ARID2: variants seen among roughly 807,000 people sequenced by gnomAD.
ARID2 encodes AT-rich interactive domain-containing protein 2.
In ARID2, 32 loss-of-function variants were observed where a neutral mutation model predicts 184.6. The observed-to-expected ratio is 0.17, with a 90% CI of 0.13 to 0.23. The LOEUF is 0.23. Among genes scored for constraint, ARID2 ranks in the 10% least tolerant of loss-of-function variants. The pLI, the probability that ARID2 is intolerant of heterozygous loss-of-function variation, is 1.00. For synonymous variants in ARID2, 836 were observed against 772.6 expected (o/e 1.08, Z -1.36); for missense variants, 1,696 against 2,197.6 (o/e 0.77, Z 4.56).
rs1389381566 is a variant in ARID2, at chr12:45,906,331, C to G, written c.*1253C>G. ...GAAACTGCTCACTTCCTTAAATTGT[C>G]TTTTTTCCCCCAGCGTGAAATGTAT... On this transcript the variant is annotated 3_prime_UTR_variant, in exon 21 of 21. Coordinates refer to ENST00000334344, the MANE Select transcript of ARID2 (RefSeq NM_152641.4). 8.6e-6 allele frequency: 2 copies of G among 232,996 alleles called. No individual in the cohort carries two copies. The highest frequency in any genetic ancestry group is 1.7e-5 in the Non-Finnish European group (2 of 117,790). The allele number at this position is 232,996 out of a possible 1,614,324, so 14.4% of individuals were successfully genotyped here.
At chr12:45,863,479 G>A (rs927035114) in intron 16 of ARID2, among the ~76,000 whole-genome samples, 17 of 151,876 alleles carry the variant, frequency 1.1e-4, no homozygotes, top group Non-Finnish European at 1.6e-4. Context: ...CCAGCTACTC[G>A]GGATGCTGAG....
chr12:45,842,325 A>G (rs886068863), intron 11 of ARID2: 2 of 151,652 alleles, frequency 1.3e-5, no homozygotes, highest in Non-Finnish European at 2.9e-5. Context: ...GTATATGTAT[A>G]TATATACACA....
chr12:45,754,336 TCCTTGCCATAC>T (rs1941522883), intron 3 of ARID2, among the ~76,000 whole-genome samples: 1 of 152,256 alleles, frequency 6.6e-6, no homozygotes, highest in African/African-American at 2.4e-5. Context: ...ATTCTTAATC[TCCTTGCCATAC>T]CCTTGCACAT....
chr12:45,743,578 A>G (rs1941302986), intron 3 of ARID2, among the ~76,000 whole-genome samples: 1 of 152,094 alleles, frequency 6.6e-6, no homozygotes, highest in African/African-American at 2.4e-5. Flanking sequence ...ATCCCATCTC[A>G]TAGTTCTTTT....
At chr12:45,873,196 C>G (rs2138207141) in intron 16 of ARID2, among the ~76,000 whole-genome samples, 1 of 152,302 alleles carries the variant, frequency 6.6e-6, no homozygotes. Context: ...TATTGCCACT[C>G]CAGCTTACTT....
At chr12:45,897,127 C>T (rs1004330134) in intron 20 of ARID2, among the ~76,000 whole-genome samples, 1 of 152,154 alleles carries the variant, frequency 6.6e-6, no homozygotes, top group Non-Finnish European at 1.5e-5. Context: ...AGTAAGTCCT[C>T]ACATATTTGG....
At chr12:45,878,902 A>C (rs1944053880) in intron 16 of ARID2, among the ~76,000 whole-genome samples, 1 of 152,138 alleles carries the variant, frequency 6.6e-6, no homozygotes, top group Admixed American at 6.5e-5. Flanking sequence ...GTTAGAATTT[A>C]GGCTATGTTT....
intron 16 of ARID2, among the ~76,000 whole-genome samples, chr12:45,883,676 G>A (rs1036852101): frequency 6.6e-6 from 1 of 151,292 alleles, no homozygotes; most frequent in African/African-American, 2.4e-5. Flanking sequence ...CACATAGAAG[G>A]AGAAAATCAG....
chr12:45,811,286 T>A, intron 3 of ARID2, 132 bp from the exon 4 acceptor site: 1 of 951,108 alleles, frequency 1.1e-6, no homozygotes, highest in Non-Finnish European at 1.5e-6. Context: ...TGTTCTAATA[T>A]AAGAGGTTTA....
chr12:45,855,141 C>T (rs774354591), intron 15 of ARID2, among the ~76,000 whole-genome samples: 3 of 152,080 alleles, frequency 2.0e-5, no homozygotes, highest in Non-Finnish European at 4.4e-5. Flanking sequence ...GACATTATTG[C>T]TAAAACTCAT....
chr12:45,867,729 C>T (rs995761205), intron 16 of ARID2, among the ~76,000 whole-genome samples: 10 of 148,460 alleles, frequency 6.7e-5, no homozygotes, highest in African/African-American at 2.5e-4. Context: ...GGCAACAGAA[C>T]GAGACTCCAT....
At chr12:45,824,271 T>C (rs1460581592) in intron 6 of ARID2, among the ~76,000 whole-genome samples, 1 of 152,126 alleles carries the variant, frequency 6.6e-6, no homozygotes, top group African/African-American at 2.4e-5. Flanking sequence ...CAAGAAGAAA[T>C]GTTAAATTTT....
intron 3 of ARID2, among the ~76,000 whole-genome samples, chr12:45,782,401 G>A (rs1182246051): frequency 6.6e-6 from 1 of 152,142 alleles, no homozygotes; most frequent in African/African-American, 2.4e-5. Flanking sequence ...GGAGGCCGAG[G>A]TGGATGGATC....
At chr12:45,890,301 T>A (rs553946171) in intron 16 of ARID2, among the ~76,000 whole-genome samples, 1 of 152,254 alleles carries the variant, frequency 6.6e-6, no homozygotes, top group Non-Finnish European at 1.5e-5. Context: ...ATTTTTATTG[T>A]TGCAAATAAA....
At chr12:45,860,989 G>T in intron 16 of ARID2, 40 bp downstream of exon 16, 2 of 1,418,970 alleles carry the variant, frequency 1.4e-6, no homozygotes, top group East Asian at 2.7e-5. Flanking sequence ...AGTATTCTTT[G>T]TTTTGGAATG....
intron 3 of ARID2, among the ~76,000 whole-genome samples, chr12:45,799,288 G>T (rs1443094171): frequency 3.3e-5 from 5 of 152,054 alleles, no homozygotes. Context: ...TTAATAGTTT[G>T]TCATGCATTG....
rs926904684 is a variant in ARID2 at position 45,746,774 on chromosome 12, A to AT, written c.284+15470dup. ...TCACACAGTAAGTTCTGGATCTAGT[A>AT]TTTTTTTTTTGAGACGGAGTCTCGC... On this transcript the variant is annotated intron_variant, in intron 3 of 20. Transcript: ENST00000334344. Among the ~76,000 whole-genome samples the AT allele has an allele frequency of 8.0e-5, 12 of 149,456 alleles. 1 individual carries two copies. Among genetic ancestry groups the AT allele is most frequent in the African/African-American group, 1.2e-4 (5 of 40,806 alleles).
chr12:45,783,945 C>G (rs1942144751), intron 3 of ARID2, among the ~76,000 whole-genome samples: 1 of 152,182 alleles, frequency 6.6e-6, no homozygotes, highest in Non-Finnish European at 1.5e-5. Flanking sequence ...TGAGAGACTT[C>G]TATAAAGTGG....
At chr12:45,775,950 A>G (rs990678121) in intron 3 of ARID2, 14 of 158,760 alleles carry the variant, frequency 8.8e-5, no homozygotes, top group Non-Finnish European at 1.6e-4. Context: ...CGGTGGTACC[A>G]TATTTCTCTG....
Sources: allele counts gnomAD v4.1 joint callset (sites outside exome capture counted in the v4.1 genomes callset), GRCh38; gene constraint gnomAD v4.1.1; transcripts MANE v1.5; gene names NCBI Gene and HGNC (gene_info 2026-07-23, HGNC 2026-07-21).